Variants in IL23R observed in about 807,000 individuals in gnomAD.
IL23R encodes interleukin-23 receptor.
IL23R carries 34 observed loss-of-function variants against 56.9 expected under a neutral mutation model. The ratio of observed to expected loss-of-function variants is 0.60; its 90% CI spans 0.45 to 0.80. The LOEUF (loss-of-function observed/expected upper bound fraction) is 0.80. Ranked by LOEUF, IL23R falls within the 30% of genes least tolerant of loss-of-function variation. The pLI, the probability that IL23R is intolerant of heterozygous loss-of-function variation, is 0.00. For synonymous variants in IL23R, 230 were observed against 249.2 expected, an observed-to-expected ratio of 0.92 and a Z score of 0.73; for missense variants, 635 against 730.0, an observed-to-expected ratio of 0.87 and a Z score of 1.50.
intron 1 of IL23R, among the ~76,000 whole-genome samples, chr1:67,157,855 GTCTGTTTTGTTTACCCCTTTA>G (rs1464843007): frequency 6.6e-6 from 1 of 152,126 alleles, no homozygotes; most frequent in East Asian, 1.9e-4. Context: ...CCAAACTTTT[GTCTGTTTTGTTTACCCCTTTA>G]TCCTCAGTGC....
intron 5 of IL23R, among the ~76,000 whole-genome samples, chr1:67,201,813 C>CT (rs1648661599): frequency 6.6e-6 from 1 of 151,958 alleles, no homozygotes; most frequent in Non-Finnish European, 1.5e-5. Context: ...TATACCCTGC[C>CT]TTTTTATACT....
chr1:67,176,892 T>C (rs914366215), intron 3 of IL23R, among the ~76,000 whole-genome samples: 3 of 152,188 alleles, frequency 2.0e-5, no homozygotes, highest in Non-Finnish European at 4.4e-5. Context: ...GGTGTGATAG[T>C]TTGCTGAGAA....
chr1:67,263,385 A>G (rs1024901882), downstream of IL23R, among the ~76,000 whole-genome samples: 19 of 152,060 alleles, frequency 1.2e-4, no homozygotes, highest in African/African-American at 4.1e-4. Context: ...CTGCACCCAG[A>G]CTAAAATTAG....
At chr1:67,159,248 T>TTGATAGTGAGACTATCACTATCAG (rs1646795753) in intron 1 of IL23R, among the ~76,000 whole-genome samples, 2 of 149,236 alleles carry the variant, frequency 1.3e-5, no homozygotes, top group Non-Finnish European at 1.5e-5. Context: ...CTATCAGTGA[T>TTGATAGTGAGACTATCACTATCAG]TGATAGTGAG....
At chr1:67,156,575 C>T (rs1297482964) in intron 1 of IL23R, among the ~76,000 whole-genome samples, 1 of 152,148 alleles carries the variant, frequency 6.6e-6, no homozygotes, top group Non-Finnish European at 1.5e-5. Context: ...TGGTGAATTC[C>T]GTCTAGTCCA....
At chr1:67,195,499 T>C (rs1558237681) in intron 4 of IL23R, among the ~76,000 whole-genome samples, 2 of 152,204 alleles carry the variant, frequency 1.3e-5, no homozygotes, top group Admixed American at 6.5e-5. Flanking sequence ...AGTAACTTGC[T>C]CCAAGTCTTA....
chr1:67,210,785 A>G (rs1350101747), intron 6 of IL23R, among the ~76,000 whole-genome samples: 2 of 152,092 alleles, frequency 1.3e-5, no homozygotes, highest in Admixed American at 6.6e-5. Flanking sequence ...GCTTTTCTTA[A>G]TTAACAGTTA....
intron 5 of IL23R, among the ~76,000 whole-genome samples, chr1:67,203,428 G>A (rs1006806049): frequency 1.3e-4 from 20 of 152,054 alleles, no homozygotes; most frequent in African/African-American, 4.8e-4. Flanking sequence ...CTCACACTGG[G>A]AACTAGGAGT....
intron 7 of IL23R, among the ~76,000 whole-genome samples, chr1:67,228,018 CTTCCTTTCTTTCTTTTCTTTCTT>C (rs1650791230): frequency 1.4e-5 from 1 of 69,836 alleles, no homozygotes; most frequent in African/African-American, 5.9e-5. Context: ...TTCTTTCTTT[CTTCCTTTCTTTCTTTTCTTTCTT>C]TCTCTTTCTT....
At chr1:67,180,640 G>T (rs1402956761) in intron 3 of IL23R, among the ~76,000 whole-genome samples, 1 of 152,170 alleles carries the variant, frequency 6.6e-6, no homozygotes, top group African/African-American at 2.4e-5. Flanking sequence ...ATATTGTTAT[G>T]TGTGAATTTG....
intron 5 of IL23R, among the ~76,000 whole-genome samples, chr1:67,203,501 C>T (rs1648779679): frequency 2.0e-5 from 3 of 152,076 alleles, no homozygotes; most frequent in African/African-American, 7.2e-5. Context: ...TCTTCCTCCA[C>T]CTCCTCCTCC....
intron 9 of IL23R, among the ~76,000 whole-genome samples, chr1:67,244,487 G>A (rs180832123): frequency 0.012 from 1,756 of 152,114 alleles, 30 homozygotes; most frequent in Middle Eastern, 0.044. Flanking sequence ...GTTAATTTTT[G>A]TATAAGGTGC....
Position 67,219,630 on chromosome 1 carries a change from G to A in IL23R, c.855G>A (p.Glu285=), listed in dbSNP as rs911019244. 7 of 1,613,954 alleles carry A rather than the reference G, an allele frequency of 4.3e-6. No homozygotes were observed. The Admixed American group carries it at 1.0e-4, about 23-fold the overall frequency. The change falls in exon 7 of 11, where the codon GAG becomes GAA. Residue 285 remains glutamate (E), a synonymous_variant. Transcript: ENST00000347310. ...TYVQQSEFYL[E]PNIKYVFQVR... ...TGCAACAGTCAGAATTCTACTTGGAGCCAAACATTAAGTACGTATTTCAAG... is the reference window on the plus strand; with the variant it reads ...TGCAACAGTCAGAATTCTACTTGGAACCAAACATTAAGTACGTATTTCAAG...
rs144468126 is a variant in IL23R at position 67,216,337 on chromosome 1, CTAT to C, written c.799-3223_799-3221del. 2.8e-4 allele frequency among the ~76,000 whole-genome samples: 42 copies of C among 152,056 alleles called. No individual in the cohort carries two copies. In the East Asian group the frequency reaches 5.6e-3, roughly 20 times the overall value. ...TAATATTTTGAAACATTAGCTATTA[CTAT>C]TATTATTATTATTTGTCTAATGGTG... is the stretch of plus-strand genomic sequence containing the variant. On this transcript the variant is annotated intron_variant, in intron 6 of 10. Transcript: ENST00000347310.
At chr1:67,180,323 T>C (rs1410915199) in intron 3 of IL23R, among the ~76,000 whole-genome samples, 3 of 152,174 alleles carry the variant, frequency 2.0e-5, no homozygotes, top group Admixed American at 2.0e-4. Context: ...TGCATATATA[T>C]TTAGGATAGT....
chr1:67,177,498 T>A (rs1453577400), intron 3 of IL23R, among the ~76,000 whole-genome samples: 71 of 152,018 alleles, frequency 4.7e-4, no homozygotes, highest in East Asian at 4.4e-3. Flanking sequence ...GTTTGAGTTC[T>A]TTGTAGATTC....
Position 67,231,751 on chromosome 1 carries a change from G to A in IL23R, c.956-4962G>A, listed in dbSNP as rs1570897240. Reference sequence around the variant, plus strand: ...AATATTGAATAAGGCTGGGTGTGGTGGCTCACACCTGTAATTCTAGCACTT... The same window carrying A: ...AATATTGAATAAGGCTGGGTGTGGTAGCTCACACCTGTAATTCTAGCACTT... On this transcript the variant is annotated intron_variant, in intron 7 of 10. Transcript: ENST00000347310. 3.9e-5 allele frequency: 6 copies of A among 152,174 alleles called. 1 individual carries two copies. The South Asian group carries it at 1.0e-3, about 26-fold the overall frequency. The allele number at this position is 152,174 out of a possible 1,614,324, so 9.4% of individuals were successfully genotyped here. A position where few individuals can be genotyped will look rare whatever the true frequency, so the allele number is the denominator to read the frequency against.
At chr1:67,252,399 T>G (rs191746843) in intron 9 of IL23R, among the ~76,000 whole-genome samples, 17 of 152,334 alleles carry the variant, frequency 1.1e-4, no homozygotes, top group African/African-American at 3.6e-4. Context: ...GATCCTAGCC[T>G]GTTAATTACT....
chr1:67,210,063 A>G (rs1649349471), intron 6 of IL23R, among the ~76,000 whole-genome samples: 1 of 152,220 alleles, frequency 6.6e-6, no homozygotes, highest in Non-Finnish European at 1.5e-5. Flanking sequence ...TGAAAAGTGT[A>G]TAGTTCAGAG....
Sources: allele counts gnomAD v4.1 joint callset (sites outside exome capture counted in the v4.1 genomes callset), GRCh38; gene constraint gnomAD v4.1.1; transcripts MANE v1.5; gene names NCBI Gene and HGNC (gene_info 2026-07-23, HGNC 2026-07-21).